Variants in PPP4R3B observed in about 807,000 individuals in gnomAD.
PPP4R3B encodes protein phosphatase 4 regulatory subunit 3B.
Under a neutral mutation model 95.4 loss-of-function variants are expected in PPP4R3B, and 52 were observed. The observed-to-expected ratio is 0.54, with a 90% confidence interval of 0.44 to 0.69. The LOEUF is 0.69. Ranked by LOEUF, PPP4R3B falls within the 30% of genes least tolerant of loss-of-function variation. PPP4R3B has a pLI of 0.00. For synonymous variants in PPP4R3B, 407 were observed against 343.9 expected (o/e 1.18, Z -2.03); for missense variants, 1,003 against 1,005.9 (o/e 1.00, Z 0.04).
chr2:55,551,847 A>G (rs1037389859), intron 16 of PPP4R3B, among the ~76,000 whole-genome samples: 1 of 152,272 alleles, frequency 6.6e-6, no homozygotes, highest in African/African-American at 2.4e-5. Context: ...AAGTGCTATT[A>G]GCTGCTATTA....
At chr2:55,577,191 T>G in intron 11 of PPP4R3B, 124 bp downstream of exon 11, 1 of 1,221,204 alleles carries the variant, frequency 8.2e-7, no homozygotes, top group Non-Finnish European at 1.1e-6. Flanking sequence ...AAAAGTAAAT[T>G]TCTTCTTGGA....
chr2:55,590,478 G>A (rs754893674), intron 4 of PPP4R3B, among the ~76,000 whole-genome samples: 1 of 152,068 alleles, frequency 6.6e-6, no homozygotes, highest in Non-Finnish European at 1.5e-5. Context: ...GATAGGTTAT[G>A]AGTGATTTTC....
At chr2:55,605,232 C>A (rs1693220588) in intron 2 of PPP4R3B, among the ~76,000 whole-genome samples, 1 of 152,116 alleles carries the variant, frequency 6.6e-6, no homozygotes, top group African/African-American at 2.4e-5. Context: ...GTGGCTAAAA[C>A]TTTGATTTTC....
intron 3 of PPP4R3B, among the ~76,000 whole-genome samples, chr2:55,601,545 T>G (rs1039038287): frequency 2.6e-4 from 39 of 152,080 alleles, no homozygotes; most frequent in African/African-American, 8.9e-4. Flanking sequence ...CATGCCCGGC[T>G]AATTTTTTGT....
chr2:55,598,758 A>G lies in PPP4R3B; in HGVS notation c.579T>C (p.His193=). The G allele has an allele frequency of 6.2e-7, 1 of 1,614,224 alleles. No homozygotes were observed. Among genetic ancestry groups the G allele is most frequent in the Non-Finnish European group, 8.5e-7 (1 of 1,180,036 alleles). ...AGATTCCTCTAATAATTTCATACAA[A>G]TGGTGTAAGCCTTCAGTGTTTTCTA... ...ENLENTEGLH[H]LYEIIRGILF... Residue 193 remains histidine (H), a synonymous_variant, in exon 4 of 17, where the codon CAT becomes CAC. Coordinates refer to ENST00000616407, the MANE Select transcript of PPP4R3B (RefSeq NM_001122964.3).
intron 2 of PPP4R3B, among the ~76,000 whole-genome samples, chr2:55,609,412 C>T (rs761761339): frequency 1.3e-5 from 2 of 152,018 alleles, no homozygotes; most frequent in African/African-American, 2.4e-5. Flanking sequence ...CTGGGTGTGA[C>T]GACTCATGTC....
intron 2 of PPP4R3B, chr2:55,614,730 T>C (rs1322583945): frequency 3.3e-5 from 5 of 152,218 alleles, no homozygotes; most frequent in African/African-American, 9.6e-5. Context: ...GAAACAAATA[T>C]GGCGTAACAT....
At chr2:55,604,795 G>GACACACACACAC (rs3069140) in intron 2 of PPP4R3B, among the ~76,000 whole-genome samples, 4 of 149,800 alleles carry the variant, frequency 2.7e-5, no homozygotes, top group East Asian at 2.0e-4. Flanking sequence ...ATAAAACATA[G>GACACACACACAC]ACACACACAC....
At chr2:55,594,571 T>TA (rs1430113346) in intron 4 of PPP4R3B, among the ~76,000 whole-genome samples, 2 of 152,144 alleles carry the variant, frequency 1.3e-5, no homozygotes, top group Non-Finnish European at 2.9e-5. Flanking sequence ...TTTCTGAATA[T>TA]AAAAAAGTAT....
chr2:55,587,491 C>T (rs1315226869), intron 5 of PPP4R3B, among the ~76,000 whole-genome samples: 5 of 152,070 alleles, frequency 3.3e-5, no homozygotes, highest in Non-Finnish European at 7.4e-5. Flanking sequence ...GGCTGAGGCA[C>T]GAGAAGCGCT....
chr2:55,612,278 G>T (rs1421945565), intron 2 of PPP4R3B, among the ~76,000 whole-genome samples: 1 of 152,108 alleles, frequency 6.6e-6, no homozygotes, highest in Non-Finnish European at 1.5e-5. Flanking sequence ...CTGAACAACA[G>T]ACTTCATGTG....
intron 10 of PPP4R3B, 77 bp from the exon 11 acceptor site, chr2:55,577,433 C>A: frequency 8.0e-7 from 1 of 1,246,470 alleles, no homozygotes; most frequent in South Asian, 2.2e-5. Flanking sequence ...TTATAATATA[C>A]AATGCATGTC....
intron 2 of PPP4R3B, among the ~76,000 whole-genome samples, chr2:55,607,072 G>A (rs1056058818): frequency 8.5e-5 from 13 of 152,228 alleles, no homozygotes; most frequent in Non-Finnish European, 1.5e-4. Flanking sequence ...AATATTTGCA[G>A]TTATCTCCAC....
intron 15 of PPP4R3B, among the ~76,000 whole-genome samples, chr2:55,563,578 T>C (rs1558953570): frequency 6.6e-6 from 1 of 152,166 alleles, no homozygotes; most frequent in African/African-American, 2.4e-5. Context: ...TTTACCATGT[T>C]ACCCAGGGTG....
chr2:55,549,014 A>G lies in PPP4R3B; in HGVS notation c.*897T>C, dbSNP rs1203875096. 2.0e-5 allele frequency: 3 copies of G among 152,546 alleles called. No homozygotes were observed. Among genetic ancestry groups the G allele is most frequent in the Non-Finnish European group, 2.9e-5 (2 of 68,046 alleles). The allele number at this position is 152,546 out of a possible 1,614,324, so 9.4% of individuals were successfully genotyped here. Reference sequence around the variant, plus strand: ...ACTAAATGCCACTTAATTCAGCACTATTCTTGGTTGGTCTGTATAAGTAAC... The same window carrying G: ...ACTAAATGCCACTTAATTCAGCACTGTTCTTGGTTGGTCTGTATAAGTAAC... On this transcript the variant is annotated 3_prime_UTR_variant, in exon 17 of 17. Coordinates refer to ENST00000616407, the MANE Select transcript of PPP4R3B (RefSeq NM_001122964.3).
intron 4 of PPP4R3B, among the ~76,000 whole-genome samples, chr2:55,593,399 G>C (rs886139017): frequency 6.6e-6 from 1 of 152,054 alleles, no homozygotes; most frequent in Non-Finnish European, 1.5e-5. Flanking sequence ...TTATGATAAG[G>C]ACCTTCGTAC....
chr2:55,593,543 C>T (rs1316698962), intron 4 of PPP4R3B, among the ~76,000 whole-genome samples: 2 of 152,084 alleles, frequency 1.3e-5, no homozygotes, highest in Non-Finnish European at 2.9e-5. Context: ...TATCTAGAAA[C>T]ACCTACTACC....
intron 2 of PPP4R3B, among the ~76,000 whole-genome samples, chr2:55,607,251 TG>T (rs1449871308): frequency 6.6e-6 from 1 of 152,292 alleles, no homozygotes; most frequent in Non-Finnish European, 1.5e-5. Context: ...AGACACCAGG[TG>T]GGTGTTCTCC....
chr2:55,562,811 C>T (rs1430303113), intron 15 of PPP4R3B, among the ~76,000 whole-genome samples: 1 of 152,202 alleles, frequency 6.6e-6, no homozygotes, highest in Non-Finnish European at 1.5e-5. Context: ...AGCTGTCTGA[C>T]TCTTCCTTTT....
Sources: gnomAD v4.1 joint callset for allele counts (sites outside exome capture counted in the v4.1 genomes callset) on GRCh38, gnomAD v4.1.1 for gene constraint, MANE v1.5 for transcripts, NCBI Gene and HGNC (gene_info 2026-07-23, HGNC 2026-07-21) for gene names.